The following RAD17 variants were observed in gnomAD, a reference collection of about 807,000 sequenced individuals.
RAD17 encodes RAD17 checkpoint clamp loader component.
In RAD17, 31 loss-of-function variants were observed where a neutral mutation model predicts 81.5. The observed-to-expected ratio is 0.38, with a 90% CI of 0.29 to 0.51. RAD17 has a LOEUF of 0.51. RAD17 is among the 20% of genes least tolerant of loss of function. RAD17 has a pLI of 0.88. For missense variants in RAD17, 681 were observed against 781.2 expected, an observed-to-expected ratio of 0.87 and a Z score of 1.53; for synonymous variants, 261 against 266.2, an observed-to-expected ratio of 0.98 and a Z score of 0.19.
chr5:69,387,859 C>CA (rs895823347), intron 11 of RAD17, among the ~76,000 whole-genome samples: 38 of 151,058 alleles, frequency 2.5e-4, no homozygotes, highest in Admixed American at 6.6e-4. Flanking sequence ...CTCTGTATCC[C>CA]AAAAAAAAGA....
At chr5:69,379,756 CTA>C (rs1288083180) in intron 6 of RAD17, among the ~76,000 whole-genome samples, 1 of 152,160 alleles carries the variant, frequency 6.6e-6, no homozygotes, top group Non-Finnish European at 1.5e-5. Flanking sequence ...TCTTCCACCT[CTA>C]TGTCTTGTCC....
At chr5:69,407,989 G>A (rs2150884060) in intron 17 of RAD17, among the ~76,000 whole-genome samples, 1 of 152,222 alleles carries the variant, frequency 6.6e-6, no homozygotes, top group African/African-American at 2.4e-5. Flanking sequence ...TTTTGTTGAT[G>A]CTCTTTTTCA....
intron 17 of RAD17, among the ~76,000 whole-genome samples, chr5:69,409,886 A>C (rs760040618): frequency 6.6e-6 from 1 of 152,174 alleles, no homozygotes; most frequent in Non-Finnish European, 1.5e-5. Flanking sequence ...CTATGAATTT[A>C]TGACTCTAAA....
Position 69,386,420 on chromosome 5 carries a change from TATG to T in RAD17, c.854_856del (p.Met285del), listed in dbSNP as rs1561251281. On this transcript the variant is annotated inframe_deletion, in exon 11 of 19. Coordinates refer to ENST00000354868, the MANE Select transcript of RAD17 (RefSeq NM_133338.3). ...GTTTCAACCCTGTGGCACCAACAATTATGATGAAATTTCTTAATCGAATAGTGA... is the reference window on the plus strand; with the variant it reads ...GTTTCAACCCTGTGGCACCAACAATTATGAAATTTCTTAATCGAATAGTGA... 6.3e-7 allele frequency: 1 copy of T among 1,598,824 alleles called. No homozygotes were observed. Among genetic ancestry groups the T allele is most frequent in the Non-Finnish European group, 8.5e-7 (1 of 1,174,510 alleles).
intron 17 of RAD17, among the ~76,000 whole-genome samples, chr5:69,402,945 A>G (rs374106581): frequency 5.9e-5 from 9 of 152,170 alleles, no homozygotes; most frequent in Middle Eastern, 3.4e-3. Context: ...TTAACTTAAT[A>G]CCGTTTATTT....
At chr5:69,408,697 G>T (rs1428840405) in intron 17 of RAD17, among the ~76,000 whole-genome samples, 4 of 151,878 alleles carry the variant, frequency 2.6e-5, no homozygotes, top group Middle Eastern at 3.2e-3. Flanking sequence ...TTTTAGTAGA[G>T]ATGGCGTTTC....
chr5:69,400,005 A>G, intron 16 of RAD17, 44 bp from the exon 17 acceptor site: 1 of 1,349,614 alleles, frequency 7.4e-7, no homozygotes, highest in Non-Finnish European at 1.0e-6. Context: ...ACATATTTTT[A>G]ATTTCATTTT....
Position 69,371,751 on chromosome 5 carries a change from T to C in RAD17, c.-176+194T>C, listed in dbSNP as rs1032737264. ...AAGCACAACCTTAATTTTGAAAAAG[T>C]GTTTTACAGTCCCAGTCACAAAGGC... On this transcript the variant is annotated intron_variant, in intron 3 of 18. Coordinates refer to ENST00000354868, the MANE Select transcript of RAD17 (RefSeq NM_133338.3). Among the ~76,000 whole-genome samples, 26 of 152,332 alleles carry C rather than the reference T, an allele frequency of 1.7e-4. No individual in the cohort carries two copies. In the South Asian group the frequency reaches 3.3e-3, roughly 19 times the overall value.
At chr5:69,373,687 T>A (rs1206551126) in intron 4 of RAD17, 143 bp from the exon 5 acceptor site, 22 of 24,516 alleles carry the variant, frequency 9.0e-4, no homozygotes, top group African/African-American at 3.9e-3. Flanking sequence ...CTCAAAAAAA[T>A]TTTTTTTTTT....
intron 17 of RAD17, among the ~76,000 whole-genome samples, chr5:69,402,903 G>A (rs1203181017): frequency 6.6e-6 from 1 of 150,816 alleles, no homozygotes; most frequent in Non-Finnish European, 1.5e-5. Flanking sequence ...ACATTTTCCT[G>A]CATAACCACA....
chr5:69,411,277 G>A (rs1433190600), intron 18 of RAD17, among the ~76,000 whole-genome samples: 1 of 151,866 alleles, frequency 6.6e-6, no homozygotes, highest in Non-Finnish European at 1.5e-5. Flanking sequence ...TGGGTGTGGT[G>A]GCACATGCCT....
At chr5:69,375,410 A>G (rs1335680601) in intron 6 of RAD17, among the ~76,000 whole-genome samples, 2 of 151,958 alleles carry the variant, frequency 1.3e-5, no homozygotes, top group Admixed American at 1.3e-4. Flanking sequence ...TCACTTCCTT[A>G]CTGCACAATT....
At chr5:69,398,040 C>G (rs1327905998) in intron 16 of RAD17, among the ~76,000 whole-genome samples, 1 of 152,048 alleles carries the variant, frequency 6.6e-6, no homozygotes, top group Non-Finnish European at 1.5e-5. Context: ...TGGCGTGAAC[C>G]CAGGAGGCGG....
At chr5:69,397,052 T>C (rs1325274676) in intron 16 of RAD17, among the ~76,000 whole-genome samples, 1 of 152,216 alleles carries the variant, frequency 6.6e-6, no homozygotes, top group Non-Finnish European at 1.5e-5. Context: ...CAGGTTGGTC[T>C]CGATCTTTGG....
intron 6 of RAD17, among the ~76,000 whole-genome samples, chr5:69,376,618 A>G (rs1008296962): frequency 1.3e-5 from 2 of 152,234 alleles, no homozygotes; most frequent in Non-Finnish European, 2.9e-5. Context: ...CCAGAGTAGT[A>G]CATTTGTTAA....
In RAD17 at chr5:69,384,939, G is replaced by A. The variant is rs764872181; in HGVS notation, c.645+6G>A. On this transcript the variant is annotated splice_donor_region_variant and intron_variant, in intron 8 of 18. Coordinates refer to ENST00000354868, the MANE Select transcript of RAD17 (RefSeq NM_133338.3). The stretch of plus-strand genomic sequence containing the variant: ...AGAAGATAATTCTGGTTGAAGTAAG[G>A]ACAACTTTTAAAATCTTTTTTTTTT... 8 of 1,565,054 alleles carry A rather than the reference G, an allele frequency of 5.1e-6. No individual in the cohort carries two copies. The highest frequency in any genetic ancestry group is 6.0e-6 in the Non-Finnish European group (7 of 1,159,010).
intron 5 of RAD17, 73 bp downstream of exon 5, chr5:69,374,160 G>A: frequency 7.8e-7 from 1 of 1,283,332 alleles, no homozygotes; most frequent in Non-Finnish European, 1.1e-6. Context: ...GAAGCAGAGG[G>A]ATTTACATTT....
Position 69,372,143 on chromosome 5 carries a change from T to G in RAD17, c.-66T>G. On this transcript the variant is annotated 5_prime_UTR_variant, in exon 4 of 19. Coordinates refer to ENST00000354868, the MANE Select transcript of RAD17 (RefSeq NM_133338.3). ...ACTATAATGAAAGATATTTTCATAC[T>G]CTCAAAAATATAGAGGAAAGGGGCC... The G allele has an allele frequency of 6.5e-7, 1 of 1,545,988 alleles. No homozygotes were observed. The highest frequency in any genetic ancestry group is 1.2e-5 in the South Asian group (1 of 82,616).
chr5:69,385,135 AT>A lies in RAD17; in HGVS notation c.645+208del, dbSNP rs367964196. Among the ~76,000 whole-genome samples, 898 of 150,598 alleles carry A rather than the reference AT, an allele frequency of 6.0e-3. 4 individuals are homozygous for A. Among genetic ancestry groups the A allele is most frequent in the Non-Finnish European group, 9.3e-3 (632 of 67,712 alleles). ...CCACCACGCCCGGCTAATTTTTTGT[AT>A]TTTTTAGTAGAGACGGGGTTTCACT... On this transcript the variant is annotated intron_variant, in intron 8 of 18. Transcript: ENST00000354868.
Sources: gnomAD v4.1 joint callset for allele counts (sites outside exome capture counted in the v4.1 genomes callset) on GRCh38, gnomAD v4.1.1 for gene constraint, MANE v1.5 for transcripts, NCBI Gene and HGNC (gene_info 2026-07-23, HGNC 2026-07-21) for gene names.